Variants in ANO3 observed in about 807,000 individuals in gnomAD.
The protein encoded by ANO3 is anoctamin 3, also known as anoctamin-3.
Under a neutral mutation model 144.8 loss-of-function variants are expected in ANO3, and 99 were observed. That is an observed-to-expected ratio of 0.68 (90% confidence interval 0.58 to 0.81). The LOEUF (loss-of-function observed/expected upper bound fraction) is 0.81. ANO3 is among the 30% of genes least tolerant of loss of function. The pLI, the probability that ANO3 is intolerant of heterozygous loss-of-function variation, is 0.00. For synonymous variants in ANO3, 414 were observed against 392.6 expected, an observed-to-expected ratio of 1.05 and a Z score of -0.64; for missense variants, 905 against 1,202.2, an observed-to-expected ratio of 0.75 and a Z score of 3.66.
chr11:26,453,629 T>C (rs1266089139), intron 3 of ANO3, among the ~76,000 whole-genome samples: 1 of 152,048 alleles, frequency 6.6e-6, no homozygotes, highest in Non-Finnish European at 1.5e-5. Flanking sequence ...ACATTAATAA[T>C]GGGAGACTTT....
intron 1 of ANO3, among the ~76,000 whole-genome samples, chr11:26,246,662 A>T (rs148866121): frequency 0.011 from 1,658 of 149,226 alleles, 32 homozygotes; most frequent in Non-Finnish European, 0.015. Flanking sequence ...CTGTGTCCCT[A>T]CCCAAAACTC....
At chr11:26,260,181 A>G (rs968807287) in intron 1 of ANO3, among the ~76,000 whole-genome samples, 1 of 152,196 alleles carries the variant, frequency 6.6e-6, no homozygotes, top group South Asian at 2.1e-4. Flanking sequence ...TCTCTTGATA[A>G]GGAAGTGTTC....
At chr11:26,457,667 T>G (rs1448463502) in intron 3 of ANO3, among the ~76,000 whole-genome samples, 1 of 152,130 alleles carries the variant, frequency 6.6e-6, no homozygotes, top group Admixed American at 6.6e-5. Flanking sequence ...TAACAAATGA[T>G]AAAACAAAGA....
At chr11:26,658,933 T>G (rs1372414628) in intron 26 of ANO3, among the ~76,000 whole-genome samples, 1 of 152,132 alleles carries the variant, frequency 6.6e-6, no homozygotes, top group African/African-American at 2.4e-5. Context: ...TTCCACAGGT[T>G]ATGCTAACTC....
intron 5 of ANO3, among the ~76,000 whole-genome samples, chr11:26,509,105 C>CTCTATA (rs375328197): frequency 2.7e-5 from 4 of 147,624 alleles, no homozygotes; most frequent in African/African-American, 1.0e-4. Flanking sequence ...CTCTCTCTCT[C>CTCTATA]TATATATATA....
At chr11:26,210,835 A>G (rs1469477286) in intron 1 of ANO3, among the ~76,000 whole-genome samples, 1 of 152,088 alleles carries the variant, frequency 6.6e-6, no homozygotes, top group East Asian at 1.9e-4. Context: ...TTGATTTTGT[A>G]TCCTGAGAAT....
Position 26,639,125 on chromosome 11 carries a change from C to T in ANO3, c.2044-19C>T. The T allele has an allele frequency of 1.3e-6, 2 of 1,498,250 alleles. No individual in the cohort carries two copies. The highest frequency in any genetic ancestry group is 1.1e-5 in the South Asian group (1 of 88,788). 92.8% of individuals were successfully genotyped at this position (1,498,250 alleles called of 1,614,324 possible). On this transcript the variant is annotated intron_variant, in intron 20 of 26. Transcript: ENST00000256737. ...GGGAAGAAGACCAATATCATTATTG[C>T]TCTTATGTTCTATTTCAGTGTCATC... is the stretch of plus-strand genomic sequence containing the variant.
At chr11:26,329,703 G>A (rs918798373), upstream of ANO3, among the ~76,000 whole-genome samples, 1 of 152,132 alleles carries the variant, frequency 6.6e-6, no homozygotes, top group Non-Finnish European at 1.5e-5. Context: ...GCCTCCTGCT[G>A]GGTTTTGGAT....
chr11:26,655,599 C>T (rs1279014128), intron 24 of ANO3, among the ~76,000 whole-genome samples: 2 of 152,104 alleles, frequency 1.3e-5, no homozygotes, highest in Non-Finnish European at 2.9e-5. Context: ...GTGCATCTCT[C>T]TCCCCTCTCC....
chr11:26,600,842 A>C (rs1360123474), intron 17 of ANO3, among the ~76,000 whole-genome samples: 1 of 151,916 alleles, frequency 6.6e-6, no homozygotes, highest in African/African-American at 2.4e-5. Flanking sequence ...ATTTAACTTA[A>C]ATCATCCAGT....
Position 26,538,682 on chromosome 11 carries a change from G to A in ANO3, c.1032+1221G>A, listed in dbSNP as rs530851428. Among the ~76,000 whole-genome samples, 6 of 152,202 alleles carry A rather than the reference G, an allele frequency of 3.9e-5. No individual in the cohort carries two copies. In the East Asian group the frequency reaches 5.8e-4, roughly 15 times the overall value. On this transcript the variant is annotated intron_variant, in intron 10 of 26. Transcript: ENST00000256737. ...AAAGTTCATTTGACAGGTTTTTTACGTGAAATTTGGGACTTATTATAAATA... is the reference window on the plus strand; with the variant it reads ...AAAGTTCATTTGACAGGTTTTTTACATGAAATTTGGGACTTATTATAAATA...
chr11:26,574,854 C>T (rs1269491882), intron 14 of ANO3, among the ~76,000 whole-genome samples: 2 of 151,878 alleles, frequency 1.3e-5, no homozygotes, highest in East Asian at 1.9e-4. Context: ...GGACAATGCC[C>T]TTGGTTAAGC....
intron 5 of ANO3, among the ~76,000 whole-genome samples, chr11:26,514,514 C>T (rs1861788933): frequency 6.6e-6 from 1 of 152,046 alleles, no homozygotes; most frequent in Non-Finnish European, 1.5e-5. Flanking sequence ...TTTTCTAAGG[C>T]CATAGAGCTA....
chr11:26,534,693 T>A, intron 9 of ANO3, 131 bp downstream of exon 9: 1 of 491,428 alleles, frequency 2.0e-6, no homozygotes, highest in East Asian at 3.3e-5. Context: ...GAACACACAC[T>A]CTATAAGCAT....
At chr11:26,413,027 CTT>C (rs1857474687) in intron 1 of ANO3, among the ~76,000 whole-genome samples, 1 of 151,822 alleles carries the variant, frequency 6.6e-6, no homozygotes, top group South Asian at 2.1e-4. Flanking sequence ...GCCAGAGGTC[CTT>C]TTTAAAGAGA....
At chr11:26,373,186 T>C (rs1856311291) in intron 1 of ANO3, among the ~76,000 whole-genome samples, 1 of 152,188 alleles carries the variant, frequency 6.6e-6, no homozygotes, top group African/African-American at 2.4e-5. Flanking sequence ...TAGCAGGTGA[T>C]ATGGTTTGGA....
chr11:26,249,811 G>T (rs1273351611), intron 1 of ANO3, among the ~76,000 whole-genome samples: 1 of 151,950 alleles, frequency 6.6e-6, no homozygotes, highest in Non-Finnish European at 1.5e-5. Context: ...GAGAAAGAAA[G>T]AATAAAAAAC....
At chr11:26,451,909 C>T (rs1013191233) in intron 3 of ANO3, among the ~76,000 whole-genome samples, 1 of 152,170 alleles carries the variant, frequency 6.6e-6, no homozygotes, top group Non-Finnish European at 1.5e-5. Flanking sequence ...AACAATCAGA[C>T]AGCAGCATTC....
intron 1 of ANO3, among the ~76,000 whole-genome samples, chr11:26,249,822 GC>G: frequency 6.6e-6 from 1 of 152,054 alleles, no homozygotes; most frequent in African/African-American, 2.4e-5. Flanking sequence ...AATAAAAAAC[GC>G]TTCAGTAGCT....
Sources: allele counts gnomAD v4.1 joint callset (sites outside exome capture counted in the v4.1 genomes callset), GRCh38; gene constraint gnomAD v4.1.1; transcripts MANE v1.5; gene names NCBI Gene and HGNC (gene_info 2026-07-23, HGNC 2026-07-21).